Variants in PTPRT observed in about 807,000 individuals in gnomAD.
PTPRT encodes receptor-type tyrosine-protein phosphatase T.
In PTPRT, 56 loss-of-function variants were observed where a neutral mutation model predicts 176.8. That is an observed-to-expected ratio of 0.32 (90% CI 0.26 to 0.40). The LOEUF is 0.40. Among genes scored for constraint, PTPRT ranks in the 10% least tolerant of loss-of-function variants. The probability of loss-of-function intolerance (pLI) is 1.00; values close to 1 mark genes in which losing one functional copy is unlikely to be tolerated. For synonymous variants in PTPRT, 783 were observed against 739.0 expected (o/e 1.06, Z -0.96); for missense variants, 1,540 against 1,908.2 (o/e 0.81, Z 3.60).
At chr20:42,126,025 T>TGGGGGGGGGGG (rs144977174) in intron 19 of PTPRT, among the ~76,000 whole-genome samples, 9 of 41,590 alleles carry the variant, frequency 2.2e-4, no homozygotes, top group African/African-American at 2.7e-4. Flanking sequence ...TGTCTGGGAG[T>TGGGGGGGGGGG]GGGGGGGGGG....
At chr20:43,128,289 C>T (rs138541804) in intron 1 of PTPRT, among the ~76,000 whole-genome samples, 7 of 152,238 alleles carry the variant, frequency 4.6e-5, no homozygotes, top group African/African-American at 7.2e-5. Context: ...TACAAAGAAA[C>T]GTCAGAAAAT....
intron 6 of PTPRT, among the ~76,000 whole-genome samples, chr20:42,704,025 A>C (rs1031768140): frequency 2.0e-5 from 3 of 152,192 alleles, no homozygotes; most frequent in Non-Finnish European, 4.4e-5. Context: ...ATAAGGAACA[A>C]GATGACTTCA....
At chr20:43,150,070 T>A (rs1359196169) in intron 1 of PTPRT, among the ~76,000 whole-genome samples, 1 of 152,218 alleles carries the variant, frequency 6.6e-6, no homozygotes, top group African/African-American at 2.4e-5. Flanking sequence ...TTTAAAAACT[T>A]AGCCAACATT....
intron 14 of PTPRT, among the ~76,000 whole-genome samples, chr20:42,244,644 C>A (rs1230228052): frequency 6.6e-6 from 1 of 152,136 alleles, no homozygotes; most frequent in African/African-American, 2.4e-5. Context: ...CATGGCCATG[C>A]TTTGAGCTTT....
intron 7 of PTPRT, among the ~76,000 whole-genome samples, chr20:42,472,836 GAA>G (rs1229358669): frequency 6.6e-6 from 1 of 152,182 alleles, no homozygotes; most frequent in Non-Finnish European, 1.5e-5. Context: ...AAATAAATGT[GAA>G]ATTGTTAAAT....
At chr20:42,220,374 C>A (rs537312225) in intron 15 of PTPRT, among the ~76,000 whole-genome samples, 2 of 151,992 alleles carry the variant, frequency 1.3e-5, no homozygotes, top group South Asian at 2.1e-4. Flanking sequence ...AACAAGCTTG[C>A]GGATATCAAC....
intron 1 of PTPRT, among the ~76,000 whole-genome samples, chr20:42,975,246 A>G (rs1982880624): frequency 6.6e-6 from 1 of 152,206 alleles, no homozygotes. Flanking sequence ...TATTTTTACA[A>G]AGAGTTTTTA....
chr20:42,634,006 TATATAATA>T (rs1569038251), intron 7 of PTPRT, among the ~76,000 whole-genome samples: 6 of 16,642 alleles, frequency 3.6e-4, no homozygotes, highest in African/African-American at 1.1e-3. Flanking sequence ...ATATTATATA[TATATAATA>T]TATATATAAT....
chr20:42,151,079 A>ACTT (rs2146457468), intron 17 of PTPRT, among the ~76,000 whole-genome samples: 1 of 151,982 alleles, frequency 6.6e-6, no homozygotes, highest in East Asian at 1.9e-4. Context: ...TTTTTGGTCC[A>ACTT]CTTGTAGAAA....
intron 1 of PTPRT, among the ~76,000 whole-genome samples, chr20:42,941,425 T>C (rs917636458): frequency 2.0e-5 from 3 of 152,220 alleles, no homozygotes; most frequent in Admixed American, 1.3e-4. Flanking sequence ...CTGTAAAATA[T>C]ACCTGGTCAT....
At chr20:42,085,671 G>C in intron 28 of PTPRT, 57 bp downstream of exon 28, 1 of 1,605,980 alleles carries the variant, frequency 6.2e-7, no homozygotes, top group Non-Finnish European at 8.5e-7. Context: ...TCTCTCGGCA[G>C]CCTCCATCTG....
At chr20:42,166,832 A>T (rs1989845695) in intron 16 of PTPRT, among the ~76,000 whole-genome samples, 2 of 151,940 alleles carry the variant, frequency 1.3e-5, no homozygotes, top group Admixed American at 1.3e-4. Context: ...GAGGCAGGGG[A>T]ATTACTTGAA....
At chr20:42,723,013 C>T (rs914529787) in intron 6 of PTPRT, among the ~76,000 whole-genome samples, 3 of 152,154 alleles carry the variant, frequency 2.0e-5, no homozygotes, top group African/African-American at 4.8e-5. Context: ...GAATGAGTGA[C>T]TTTAACAAGT....
intron 7 of PTPRT, among the ~76,000 whole-genome samples, chr20:42,607,846 G>A (rs2073906370): frequency 6.6e-6 from 1 of 152,086 alleles, no homozygotes; most frequent in African/African-American, 2.4e-5. Flanking sequence ...TGGGCCCGGG[G>A]AATCTGAGAG....
intron 1 of PTPRT, among the ~76,000 whole-genome samples, chr20:42,919,116 G>C (rs1978981365): frequency 6.6e-6 from 1 of 152,224 alleles, no homozygotes; most frequent in Non-Finnish European, 1.5e-5. Context: ...TCCTGGGGAA[G>C]AGTCCTTCTC....
At chr20:42,861,043 T>C (rs746199420) in intron 2 of PTPRT, among the ~76,000 whole-genome samples, 1 of 152,254 alleles carries the variant, frequency 6.6e-6, no homozygotes, top group Non-Finnish European at 1.5e-5. Flanking sequence ...CATAGTGGTC[T>C]GTAGTCTGTA....
intron 13 of PTPRT, among the ~76,000 whole-genome samples, chr20:42,276,609 T>C (rs1336435710): frequency 1.5e-5 from 2 of 135,768 alleles, no homozygotes; most frequent in Non-Finnish European, 3.2e-5. Flanking sequence ...GGCTTCAAAG[T>C]GAAGGGACAG....
intron 7 of PTPRT, among the ~76,000 whole-genome samples, chr20:42,670,127 G>A (rs1263020499): frequency 1.3e-5 from 2 of 152,142 alleles, no homozygotes; most frequent in African/African-American, 2.4e-5. Flanking sequence ...AGCAGCTAGA[G>A]AAATCCTTCT....
chr20:42,480,285 A>C (rs1308773276), intron 7 of PTPRT, among the ~76,000 whole-genome samples: 1 of 152,126 alleles, frequency 6.6e-6, no homozygotes, highest in Non-Finnish European at 1.5e-5. Flanking sequence ...TATATTCCAG[A>C]GCCTTGGATG....
Sources: gnomAD v4.1 joint callset for allele counts (sites outside exome capture counted in the v4.1 genomes callset) on GRCh38, gnomAD v4.1.1 for gene constraint, MANE v1.5 for transcripts, NCBI Gene and HGNC (gene_info 2026-07-23, HGNC 2026-07-21) for gene names.